TBL1X: variants seen among roughly 807,000 people sequenced by gnomAD.
TBL1X encodes transducin beta like 1 X-linked.
A neutral mutation model predicts 50.7 loss-of-function variants in TBL1X; 10 were observed. That is an observed-to-expected ratio of 0.20 (90% CI 0.12 to 0.33). TBL1X has a LOEUF of 0.33. Ranked by LOEUF, TBL1X falls within the 10% of genes least tolerant of loss-of-function variation. TBL1X has a pLI of 1.00. For missense variants in TBL1X, 340 were observed against 504.4 expected, an observed-to-expected ratio of 0.67 and a Z score of 3.12; for synonymous variants, 190 against 214.7, an observed-to-expected ratio of 0.88 and a Z score of 1.01.
At chrX:9,506,194 G>T (rs1454521896) in intron 2 of TBL1X, among the ~76,000 whole-genome samples, 1 of 111,797 alleles carries the variant, frequency 8.9e-6, no homozygotes, top group Non-Finnish European at 1.9e-5. Flanking sequence ...CTTGCTCCTG[G>T]ATGACTCCTG....
At chrX:9,595,823 C>G (rs981202215) in intron 2 of TBL1X, among the ~76,000 whole-genome samples, 2 of 112,367 alleles carry the variant, frequency 1.8e-5, no homozygotes, top group Non-Finnish European at 3.8e-5. Flanking sequence ...TCTTACACAT[C>G]TGAATGGGTG....
intron 1 of TBL1X, among the ~76,000 whole-genome samples, chrX:9,485,357 G>A (rs997346860): frequency 8.9e-6 from 1 of 112,328 alleles, no homozygotes; most frequent in Non-Finnish European, 1.9e-5. Flanking sequence ...ATGTAATGTT[G>A]CTTATGGTTT....
chrX:9,573,483 T>C (rs1437636014), intron 2 of TBL1X, among the ~76,000 whole-genome samples: 1 of 112,864 alleles, frequency 8.9e-6, no homozygotes, highest in Non-Finnish European at 1.9e-5. Context: ...AGGTAAAATA[T>C]TAATCTTGTA....
At position 9,705,063 on chromosome X, in the gene TBL1X, T is replaced by G. The variant is rs1308466362; in HGVS notation, c.1185T>G (p.His395Gln). 4.1e-6 allele frequency: 5 copies of G among 1,212,100 alleles called. No homozygotes were observed. Among genetic ancestry groups the G allele is most frequent in the South Asian group, 1.8e-5 (1 of 57,012 alleles). ...CCTGTAGCACAGACATGTGTATCCATGTGTGCAGGCTCGGCTGTGACCGCC... is the reference window on the plus strand; with the variant it reads ...CCTGTAGCACAGACATGTGTATCCAGGTGTGCAGGCTCGGCTGTGACCGCC... ...FASCSTDMCI[H>Q]VCRLGCDRPV... Residue 395 changes from histidine to glutamine, a missense_variant, in exon 13 of 18, where the codon CAT becomes CAG. By Grantham distance (24) the His-to-Gln change is conservative. Around this residue, in one of 6 missense-constraint regions of TBL1X, gnomAD observed 170 missense variants for 272.6 expected, o/e 0.62. Transcript: ENST00000645353.
chrX:9,581,446 G>C (rs773312339), intron 2 of TBL1X, among the ~76,000 whole-genome samples: 19 of 111,664 alleles, frequency 1.7e-4, no homozygotes, highest in African/African-American at 6.2e-4. Flanking sequence ...GCTTTCTAGG[G>C]CTCTGATGCT....
chrX:9,681,660 A>G (rs994323035), intron 5 of TBL1X, among the ~76,000 whole-genome samples: 2 of 112,412 alleles, frequency 1.8e-5, no homozygotes, highest in Admixed American at 1.9e-4. Flanking sequence ...TCCTTCCACA[A>G]TTGCTCCATC....
chrX:9,620,495 A>G (rs2082661054), intron 2 of TBL1X, among the ~76,000 whole-genome samples: 1 of 112,388 alleles, frequency 8.9e-6, no homozygotes, highest in African/African-American at 3.2e-5. Context: ...ATCCTGTGAC[A>G]GAGACGAACA....
intron 12 of TBL1X, among the ~76,000 whole-genome samples, chrX:9,703,210 G>GGGGAAGGGAAGAGGTCACCAGAGAA (rs2083185539): frequency 1.4e-5 from 1 of 71,961 alleles, no homozygotes; most frequent in African/African-American, 5.7e-5. Flanking sequence ...AGAACCTTCA[G>GGGGAAGGGAAGAGGTCACCAGAGAA]GGGAAGGGAA....
At chrX:9,664,633 A>G (rs542210597) in intron 5 of TBL1X, among the ~76,000 whole-genome samples, 42 of 111,930 alleles carry the variant, frequency 3.8e-4, no homozygotes, top group African/African-American at 1.3e-3. Flanking sequence ...TGCTTTTACA[A>G]TATCCACTTA....
At chrX:9,682,488 C>A (rs2083031295) in intron 5 of TBL1X, among the ~76,000 whole-genome samples, 1 of 111,900 alleles carries the variant, frequency 8.9e-6, no homozygotes. Context: ...TACAACCTGG[C>A]GGTGGGGACA....
chrX:9,654,168 A>T, intron 4 of TBL1X, 47 bp from the exon 5 acceptor site: 1 of 1,096,437 alleles, frequency 9.1e-7, no homozygotes, highest in Non-Finnish European at 1.2e-6. Flanking sequence ...AAAAAAAAAG[A>T]GAAAAATACA....
At chrX:9,480,027 C>T (rs1028746991) in intron 1 of TBL1X, among the ~76,000 whole-genome samples, 15 of 107,975 alleles carry the variant, frequency 1.4e-4, no homozygotes, top group East Asian at 2.9e-4. Flanking sequence ...CTCGGCTCAC[C>T]GCAACCTCCG....
Position 9,709,245 on chromosome X carries a change from C to G in TBL1X, c.1237-3C>G, listed in dbSNP as rs199823517. 17 of 1,210,421 alleles carry G rather than the reference C, an allele frequency of 1.4e-5. No homozygotes were observed. Among genetic ancestry groups the G allele is most frequent in the Non-Finnish European group, 1.9e-5 (17 of 894,847 alleles). On this transcript the variant is annotated splice_region_variant and splice_polypyrimidine_tract_variant and intron_variant, in intron 13 of 17. Transcript: ENST00000645353. ...TTTTTCACACTCTTCTGCTCTCTTT[C>G]AGAACGAGGTCAACGCCATCAAATG...
intron 5 of TBL1X, among the ~76,000 whole-genome samples, chrX:9,680,584 G>A (rs1448791547): frequency 9.0e-6 from 1 of 111,298 alleles, no homozygotes; most frequent in Non-Finnish European, 1.9e-5. Flanking sequence ...CAGCCCTCCT[G>A]CTTGCCTTCA....
In TBL1X at chrX:9,691,698, T is replaced by G. The variant is rs768806367; in HGVS notation, c.736T>G (p.Leu246Val). Residue 246 changes from leucine to valine, a missense_variant, in exon 8 of 18, where the codon TTG (leucine) becomes GTG (valine). Leu to Val is a conservative substitution (Grantham distance 32). Transcript: ENST00000645353. Reference protein sequence around the residue: ...FICAWNPVSDLLASGSGDSTA... With the variant: ...FICAWNPVSDVLASGSGDSTA... ...TTGTGCCTGGAATCCTGTCAGTGAT[T>G]TGCTAGCCTCCGGGTAAGGATGTCA... 10 of 1,200,704 alleles carry G rather than the reference T, an allele frequency of 8.3e-6. No homozygotes were observed. Among genetic ancestry groups the G allele is most frequent in the East Asian group, 6.0e-5 (2 of 33,567 alleles).
chrX:9,585,969 CA>C (rs1343783028), intron 2 of TBL1X, among the ~76,000 whole-genome samples: 1 of 111,175 alleles, frequency 9.0e-6, no homozygotes, highest in Admixed American at 9.5e-5. Flanking sequence ...TGGGTACCAT[CA>C]AAAAAACAAA....
At chrX:9,609,570 CAT>C (rs1199509955) in intron 2 of TBL1X, among the ~76,000 whole-genome samples, 1 of 111,281 alleles carries the variant, frequency 9.0e-6, no homozygotes, top group Non-Finnish European at 1.9e-5. Context: ...ATTTATATCA[CAT>C]GTGTTGCTGG....
At chrX:9,476,913 T>C (rs1371302083) in intron 1 of TBL1X, among the ~76,000 whole-genome samples, 1 of 112,421 alleles carries the variant, frequency 8.9e-6, no homozygotes, top group African/African-American at 3.2e-5. Context: ...TTATATAACC[T>C]TAGTTAATTA....
At chrX:9,688,444 C>T (rs754774935) in intron 7 of TBL1X, among the ~76,000 whole-genome samples, 169 bp downstream of exon 7, 1 of 112,343 alleles carries the variant, frequency 8.9e-6, no homozygotes, top group African/African-American at 3.2e-5. Context: ...CCATTTTTTC[C>T]ATCACAACCC....
Sources: allele counts gnomAD v4.1 joint callset (sites outside exome capture counted in the v4.1 genomes callset), GRCh38; gene constraint gnomAD v4.1.1; regional missense constraint gnomAD v4.1.1; transcripts MANE v1.5; gene names NCBI Gene and HGNC (gene_info 2026-07-23, HGNC 2026-07-21).